Variants in ASH1L observed in about 807,000 individuals in gnomAD.
ASH1L encodes the protein histone-lysine N-methyltransferase ASH1L.
In ASH1L, 23 loss-of-function variants were observed where a neutral mutation model predicts 269.0. That is an observed-to-expected ratio of 0.09 (90% CI 0.06 to 0.12). The LOEUF (loss-of-function observed/expected upper bound fraction) is 0.12. Among genes scored for constraint, ASH1L ranks in the 10% least tolerant of loss-of-function variants. The pLI, the probability that ASH1L is intolerant of heterozygous loss-of-function variation, is 1.00. For missense variants in ASH1L, 2,912 were observed against 3,567.8 expected (o/e 0.82, Z 4.68); for synonymous variants, 1,187 against 1,253.5 (o/e 0.95, Z 1.12).
intron 17 of ASH1L, 110 bp downstream of exon 17, chr1:155,352,596 G>C: frequency 8.7e-7 from 1 of 1,146,316 alleles, no homozygotes; most frequent in South Asian, 1.9e-5. Context: ...CTTGAGCCCA[G>C]GAGTCTGAGA....
At chr1:155,404,920 C>T (rs753775365) in intron 6 of ASH1L, among the ~76,000 whole-genome samples, 52 of 151,070 alleles carry the variant, frequency 3.4e-4, no homozygotes, top group Non-Finnish European at 4.3e-4. Context: ...CCCAGCTACT[C>T]GGGAGGCTGA....
intron 2 of ASH1L, among the ~76,000 whole-genome samples, chr1:155,509,597 G>A (rs925255235): frequency 2.6e-5 from 4 of 152,234 alleles, no homozygotes; most frequent in Middle Eastern, 3.4e-3. Context: ...TTAGGAGTTC[G>A]AGACCAGCCT....
At chr1:155,378,217 C>T (rs1656634963) in intron 10 of ASH1L, 64 bp downstream of exon 10, 3 of 1,292,408 alleles carry the variant, frequency 2.3e-6, no homozygotes, top group African/African-American at 1.5e-5. Context: ...CTGTACCCTC[C>T]AAAGGAAGTG....
chr1:155,526,952 T>C (rs1411425773), intron 1 of ASH1L, among the ~76,000 whole-genome samples: 1 of 152,228 alleles, frequency 6.6e-6, no homozygotes, highest in Non-Finnish European at 1.5e-5. Context: ...ACGCCTGTAA[T>C]CCCAGCAGTT....
intron 4 of ASH1L, among the ~76,000 whole-genome samples, chr1:155,446,147 C>T (rs1050111357): frequency 1.3e-5 from 2 of 150,394 alleles, no homozygotes; most frequent in Non-Finnish European, 3.0e-5. Context: ...GCCTCCCAAA[C>T]TGCTGGGATT....
chr1:155,408,293 A>G (rs999722371), intron 6 of ASH1L, among the ~76,000 whole-genome samples: 6 of 152,188 alleles, frequency 3.9e-5, no homozygotes, highest in Non-Finnish European at 7.4e-5. Flanking sequence ...ATTTGTGATA[A>G]TTTCTTCAAC....
intron 7 of ASH1L, among the ~76,000 whole-genome samples, chr1:155,393,186 T>C (rs1246961906): frequency 6.6e-6 from 1 of 152,212 alleles, no homozygotes; most frequent in Non-Finnish European, 1.5e-5. Flanking sequence ...GAATTAAACC[T>C]TGTAACTTCA....
chr1:155,519,817 T>C (rs1668754606), intron 2 of ASH1L, among the ~76,000 whole-genome samples: 1 of 151,770 alleles, frequency 6.6e-6, no homozygotes, highest in East Asian at 2.0e-4. Context: ...GCCATCATGG[T>C]TGGCTAATTT....
intron 4 of ASH1L, among the ~76,000 whole-genome samples, chr1:155,453,631 C>G (rs1034953325): frequency 1.3e-5 from 2 of 151,962 alleles, no homozygotes; most frequent in African/African-American, 4.8e-5. Flanking sequence ...GAAACCCCAT[C>G]TCTACTAAAA....
intron 6 of ASH1L, among the ~76,000 whole-genome samples, chr1:155,402,612 T>C: frequency 6.6e-6 from 1 of 152,140 alleles, no homozygotes; most frequent in East Asian, 1.9e-4. Context: ...AGTGGTGCAA[T>C]CATAATTCAA....
At chr1:155,550,386 GTCATT>G (rs1211101728) in intron 1 of ASH1L, among the ~76,000 whole-genome samples, 8 of 152,142 alleles carry the variant, frequency 5.3e-5, no homozygotes, top group Admixed American at 3.9e-4. Context: ...ATCAGATCAA[GTCATT>G]TCCCTGCTTC....
intron 5 of ASH1L, among the ~76,000 whole-genome samples, chr1:155,423,408 G>A (rs919463479): frequency 6.6e-6 from 1 of 151,718 alleles, no homozygotes; most frequent in East Asian, 2.0e-4. Flanking sequence ...GTGAAACCCC[G>A]TCTCTACTAA....
chr1:155,401,439 C>T (rs987225411), intron 6 of ASH1L, among the ~76,000 whole-genome samples: 4 of 145,988 alleles, frequency 2.7e-5, no homozygotes, highest in African/African-American at 1.0e-4. Context: ...AGTCATGCCA[C>T]TGGACTCCAG....
intron 10 of ASH1L, among the ~76,000 whole-genome samples, chr1:155,373,467 T>C (rs1656162548): frequency 6.6e-6 from 1 of 151,588 alleles, no homozygotes. Flanking sequence ...AAAAAAAAAA[T>C]TATTTGTAGA....
At chr1:155,482,616 T>C (rs1403008028) in intron 2 of ASH1L, among the ~76,000 whole-genome samples, 167 bp from the exon 3 acceptor site, 1 of 152,244 alleles carries the variant, frequency 6.6e-6, no homozygotes, top group East Asian at 1.9e-4. Context: ...TTAGCTCATC[T>C]GCTGCTATAC....
chr1:155,356,840 A>G (rs1359476992), intron 15 of ASH1L, among the ~76,000 whole-genome samples: 1 of 151,430 alleles, frequency 6.6e-6, no homozygotes, highest in Admixed American at 6.6e-5. Flanking sequence ...TGTAATCCCA[A>G]TGCCTTGGGA....
chr1:155,347,494 G>A (rs1290738185), intron 20 of ASH1L, among the ~76,000 whole-genome samples, 162 bp downstream of exon 20: 1 of 152,158 alleles, frequency 6.6e-6, no homozygotes, highest in Non-Finnish European at 1.5e-5. Flanking sequence ...GATAAAAGGA[G>A]AAAGGCAATA....
At chr1:155,459,939 A>T (rs763138540) in intron 3 of ASH1L, 41 bp from the exon 4 acceptor site, 31 of 1,459,378 alleles carry the variant, frequency 2.1e-5, no homozygotes, top group African/African-American at 2.8e-5. Flanking sequence ...GGAAAATTCA[A>T]CTTTAAAAAT....
intron 17 of ASH1L, among the ~76,000 whole-genome samples, chr1:155,350,845 C>T (rs575423480): frequency 6.8e-5 from 10 of 147,780 alleles, no homozygotes; most frequent in East Asian, 6.2e-4. Flanking sequence ...TGCTTGAAGC[C>T]GGGAGGCGGA....
Sources: allele counts gnomAD v4.1 joint callset (sites outside exome capture counted in the v4.1 genomes callset), GRCh38; gene constraint gnomAD v4.1.1; transcripts MANE v1.5; gene names NCBI Gene and HGNC (gene_info 2026-07-23, HGNC 2026-07-21).